The following KLF8 variants were observed in gnomAD, a reference collection of about 807,000 sequenced individuals.
The protein encoded by KLF8 is Krueppel-like factor 8.
In KLF8, 10 loss-of-function variants were observed where a neutral mutation model predicts 18.2. That is an observed-to-expected ratio of 0.55 (90% CI 0.34 to 0.93). The LOEUF (loss-of-function observed/expected upper bound fraction) is 0.93, where lower values mean the gene tolerates loss of function less well. Ranked by LOEUF, KLF8 falls within the 40% of genes least tolerant of loss-of-function variation. KLF8 has a pLI of 0.02. For missense variants in KLF8, 264 were observed against 277.9 expected (o/e 0.95, Z 0.36); for synonymous variants, 109 against 97.3 (o/e 1.12, Z -0.71).
chrX:56,057,340 A>C, the KLF8 span, among the ~76,000 whole-genome samples: 1 of 110,323 alleles, frequency 9.1e-6, no homozygotes, highest in Non-Finnish European at 1.9e-5. Context: ...GTTTGTGGAG[A>C]GAGGGTGGTG....
the KLF8 span, among the ~76,000 whole-genome samples, chrX:56,113,297 C>G: frequency 9.3e-6 from 1 of 107,170 alleles, no homozygotes; most frequent in Non-Finnish European, 1.9e-5. Context: ...ATAGGCCATA[C>G]TTTCATGGTT....
At chrX:56,018,752 G>A in the KLF8 span, among the ~76,000 whole-genome samples, 22 of 110,799 alleles carry the variant, frequency 2.0e-4, no homozygotes, top group East Asian at 5.3e-3. Flanking sequence ...TTAAATATTA[G>A]CAATTCTATA....
chrX:55,924,152 C>T, the KLF8 span, among the ~76,000 whole-genome samples: 8 of 111,760 alleles, frequency 7.2e-5, no homozygotes, highest in Non-Finnish European at 1.5e-4. Context: ...TCACTGCAAG[C>T]TCCGCCTCCC....
chrX:56,010,185 G>GA, the KLF8 span, among the ~76,000 whole-genome samples: 15 of 111,044 alleles, frequency 1.4e-4, no homozygotes, highest in African/African-American at 4.9e-4. Context: ...TGAAATGAAC[G>GA]AAAAAAATGT....
At chrX:55,956,125 C>T in the KLF8 span, among the ~76,000 whole-genome samples, 2 of 71,034 alleles carry the variant, frequency 2.8e-5, no homozygotes, top group Admixed American at 2.8e-4. Context: ...AAATATCTAT[C>T]TATTTATCTA....
the KLF8 span, among the ~76,000 whole-genome samples, chrX:56,028,589 C>T: frequency 1.5e-3 from 165 of 111,557 alleles, 1 homozygote; most frequent in Admixed American, 2.9e-3. Context: ...AGGTCGTCCA[C>T]GTACTGGAGC....
the KLF8 span, among the ~76,000 whole-genome samples, chrX:56,136,896 A>C: frequency 1.8e-5 from 2 of 111,447 alleles, no homozygotes; most frequent in Non-Finnish European, 3.8e-5. Flanking sequence ...ATGAACTCAA[A>C]CAAATTTACA....
the KLF8 span, among the ~76,000 whole-genome samples, chrX:56,103,143 A>G: frequency 3.2e-3 from 350 of 109,940 alleles, no homozygotes; most frequent in African/African-American, 9.6e-3. Flanking sequence ...GTCAGGTAGC[A>G]TGATGCCTCC....
chrX:56,058,282 A>G, the KLF8 span, among the ~76,000 whole-genome samples: 2 of 19,000 alleles, frequency 1.1e-4, no homozygotes, highest in Non-Finnish European at 2.4e-4. Context: ...ATATATACAT[A>G]TATATATATA....
At chrX:56,175,224 G>A in the KLF8 span, among the ~76,000 whole-genome samples, 2 of 111,743 alleles carry the variant, frequency 1.8e-5, no homozygotes, top group Non-Finnish European at 1.9e-5. Flanking sequence ...GCTTTCTCTT[G>A]TGGGCATTTA....
At chrX:56,034,006 C>A in the KLF8 span, among the ~76,000 whole-genome samples, 4 of 112,223 alleles carry the variant, frequency 3.6e-5, no homozygotes, top group East Asian at 8.3e-4. Flanking sequence ...GTTACAAAAT[C>A]ATTTTTGTTT....
the KLF8 span, among the ~76,000 whole-genome samples, chrX:56,066,542 A>C: frequency 3.6e-5 from 4 of 111,778 alleles, no homozygotes; most frequent in African/African-American, 1.3e-4. Flanking sequence ...ATACTTCAGC[A>C]CCAGGTGATT....
At chrX:55,991,128 T>A in the KLF8 span, among the ~76,000 whole-genome samples, 2 of 112,293 alleles carry the variant, frequency 1.8e-5, no homozygotes, top group Non-Finnish European at 3.8e-5. Context: ...CAGGCAGGCC[T>A]CCTTGAGCTG....
chrX:56,177,942 T>G, the KLF8 span, among the ~76,000 whole-genome samples: 1 of 111,944 alleles, frequency 8.9e-6, no homozygotes, highest in South Asian at 3.7e-4. Context: ...TTACTAAGAC[T>G]GTTGGAAAAG....
At chrX:55,976,612 G>T in the KLF8 span, among the ~76,000 whole-genome samples, 1 of 100,983 alleles carries the variant, frequency 9.9e-6, no homozygotes, top group Non-Finnish European at 2.1e-5. Context: ...GATTCCTTTG[G>T]CAGTTCGGCA....
the KLF8 span, among the ~76,000 whole-genome samples, chrX:56,165,585 G>A: frequency 8.9e-6 from 1 of 112,037 alleles, no homozygotes; most frequent in Non-Finnish European, 1.9e-5. Context: ...CAAAAAATCT[G>A]TCTGGGCACG....
the KLF8 span, among the ~76,000 whole-genome samples, chrX:56,124,772 A>AT: frequency 8.9e-5 from 10 of 111,799 alleles, no homozygotes; most frequent in East Asian, 2.8e-4. Flanking sequence ...AGAGAAAATG[A>AT]TTTTTTTTAT....
the KLF8 span, among the ~76,000 whole-genome samples, chrX:56,028,799 C>G: frequency 9.8e-4 from 108 of 110,735 alleles, no homozygotes; most frequent in African/African-American, 3.4e-3. Flanking sequence ...AAGAAGGCAC[C>G]CTTCAAGTCC....
the KLF8 span, among the ~76,000 whole-genome samples, chrX:55,995,601 C>T: frequency 1.4e-4 from 16 of 111,888 alleles, no homozygotes; most frequent in South Asian, 1.9e-3. Context: ...TTATTATTTG[C>T]TTTTCTGAAT....
Sources: gnomAD v4.1 joint callset for allele counts (sites outside exome capture counted in the v4.1 genomes callset) on GRCh38, gnomAD v4.1.1 for gene constraint, MANE v1.5 for transcripts, NCBI Gene and HGNC (gene_info 2026-07-23, HGNC 2026-07-21) for gene names.